Variants in FHOD3 observed in about 807,000 individuals in gnomAD.
FHOD3 encodes FH1/FH2 domain-containing protein 3.
A neutral mutation model predicts 173.0 loss-of-function variants in FHOD3; 90 were observed. That is an observed-to-expected ratio of 0.52 (90% CI 0.44 to 0.62). The LOEUF is 0.62. FHOD3 is among the 20% of genes least tolerant of loss of function. The pLI is 0.00. For synonymous variants in FHOD3, 828 were observed against 823.0 expected (o/e 1.01, Z -0.10); for missense variants, 1,945 against 2,034.7 (o/e 0.96, Z 0.85).
chr18:36,395,281 CACT>C (rs2048500344), intron 3 of FHOD3, among the ~76,000 whole-genome samples: 1 of 148,952 alleles, frequency 6.7e-6, no homozygotes, highest in Non-Finnish European at 1.5e-5. Flanking sequence ...CATGCCACTG[CACT>C]CCAGTCTGGG....
At chr18:36,651,988 C>T (rs190215736) in intron 11 of FHOD3, among the ~76,000 whole-genome samples, 2 of 152,282 alleles carry the variant, frequency 1.3e-5, no homozygotes, top group Non-Finnish European at 2.9e-5. Flanking sequence ...CAAAATTTGT[C>T]TTTTTTGTCC....
chr18:36,374,520 T>C (rs1288872822), intron 3 of FHOD3, among the ~76,000 whole-genome samples: 4 of 152,242 alleles, frequency 2.6e-5, no homozygotes, highest in Non-Finnish European at 4.4e-5. Context: ...TTCACTATTT[T>C]GGAAAAGACT....
chr18:36,412,807 T>C lies in FHOD3; in HGVS notation c.337+40063T>C, dbSNP rs535933911. Reference sequence around the variant, plus strand: ...AATTGTACAAAAAGCCGATATATAATGAAGAATGAATGATAACAAGAATTT... The same window carrying C: ...AATTGTACAAAAAGCCGATATATAACGAAGAATGAATGATAACAAGAATTT... On this transcript the variant is annotated intron_variant, in intron 3 of 28. Coordinates refer to ENST00000590592, the MANE Select transcript of FHOD3 (RefSeq NM_001281740.3). 1.4e-3 allele frequency among the ~76,000 whole-genome samples: 211 copies of C among 152,352 alleles called. 4 individuals are homozygous for C. The South Asian group carries it at 0.043, about 31-fold the overall frequency.
chr18:36,738,219 A>G lies in FHOD3; in HGVS notation c.3577-2437A>G, dbSNP rs573023486. 2.6e-5 allele frequency among the ~76,000 whole-genome samples: 4 copies of G among 152,338 alleles called. No individual in the cohort carries two copies. The East Asian group carries it at 7.7e-4, about 29-fold the overall frequency. On this transcript the variant is annotated intron_variant, in intron 20 of 28. Transcript: ENST00000590592. ...TTGCAGGGAATCTACTACAATTTATATATTCACTGCTCAAGAATATTTAGC... is the reference window on the plus strand; with the variant it reads ...TTGCAGGGAATCTACTACAATTTATGTATTCACTGCTCAAGAATATTTAGC...
intron 1 of FHOD3, among the ~76,000 whole-genome samples, chr18:36,341,116 A>G (rs1434558085): frequency 6.6e-6 from 1 of 152,230 alleles, no homozygotes; most frequent in Non-Finnish European, 1.5e-5. Flanking sequence ...TTATTTGGCC[A>G]AATTACAGTG....
chr18:36,541,452 G>A (rs1241485122), intron 5 of FHOD3, among the ~76,000 whole-genome samples: 1 of 151,962 alleles, frequency 6.6e-6, no homozygotes, highest in Non-Finnish European at 1.5e-5. Context: ...GCTTACTCAG[G>A]AGGCTGAGGC....
chr18:36,768,968 G>A (rs1367410418), intron 27 of FHOD3, among the ~76,000 whole-genome samples: 2 of 152,142 alleles, frequency 1.3e-5, no homozygotes, highest in Non-Finnish European at 2.9e-5. Context: ...CTGGGTTGGA[G>A]AGTTAAATAA....
intron 1 of FHOD3, among the ~76,000 whole-genome samples, chr18:36,322,964 G>GCCAACCCACCTGCCAA (rs2145001823): frequency 6.6e-6 from 1 of 152,330 alleles, no homozygotes; most frequent in East Asian, 1.9e-4. Context: ...CCTCATGGGT[G>GCCAACCCACCTGCCAA]CCCTTTTGGC....
At chr18:36,521,777 C>T (rs986781065) in intron 5 of FHOD3, among the ~76,000 whole-genome samples, 2 of 152,190 alleles carry the variant, frequency 1.3e-5, no homozygotes, top group African/African-American at 4.8e-5. Flanking sequence ...CTCCTCTCAT[C>T]CTCAGGGTGA....
chr18:36,369,284 G>C (rs2047046482), intron 2 of FHOD3, among the ~76,000 whole-genome samples: 1 of 152,156 alleles, frequency 6.6e-6, no homozygotes, highest in South Asian at 2.1e-4. Context: ...TTTAGAATCA[G>C]TGGTAGCAGG....
At chr18:36,602,912 G>C in intron 8 of FHOD3, 144 bp downstream of exon 8, 3 of 651,814 alleles carry the variant, frequency 4.6e-6, no homozygotes, top group Non-Finnish European at 8.2e-6. Flanking sequence ...CTCTGATGCA[G>C]CATGACTGTG....
At chr18:36,767,835 C>T (rs1340728815) in intron 27 of FHOD3, among the ~76,000 whole-genome samples, 1 of 151,934 alleles carries the variant, frequency 6.6e-6, no homozygotes, top group African/African-American at 2.4e-5. Context: ...CACACACACA[C>T]ATATATATGA....
chr18:36,652,327 C>G (rs965888287), intron 11 of FHOD3, among the ~76,000 whole-genome samples: 2 of 152,244 alleles, frequency 1.3e-5, no homozygotes, highest in Non-Finnish European at 2.9e-5. Flanking sequence ...TGAGAGCCAC[C>G]TCCTTGCCCT....
chr18:36,509,958 C>G (rs937051890), intron 4 of FHOD3, among the ~76,000 whole-genome samples: 7 of 152,204 alleles, frequency 4.6e-5, no homozygotes, highest in African/African-American at 1.7e-4. Flanking sequence ...AAACAGCACT[C>G]CACCACAGGG....
intron 2 of FHOD3, among the ~76,000 whole-genome samples, chr18:36,371,797 G>T (rs1316623780): frequency 6.6e-6 from 1 of 152,028 alleles, no homozygotes; most frequent in Admixed American, 6.5e-5. Flanking sequence ...TATACATTAA[G>T]CCCTGGTGGA....
chr18:36,376,590 G>A (rs2047449190), intron 3 of FHOD3, among the ~76,000 whole-genome samples: 1 of 152,182 alleles, frequency 6.6e-6, no homozygotes, highest in Admixed American at 6.5e-5. Context: ...GGGGGCTGAA[G>A]CAACTGATCT....
chr18:36,741,794 G>C (rs11660290), intron 21 of FHOD3, among the ~76,000 whole-genome samples: 2,288 of 151,544 alleles, frequency 0.015, 49 homozygotes, highest in African/African-American at 0.052. Context: ...AGCCAAGTGG[G>C]GAGGCTGTGT....
At chr18:36,730,846 T>C (rs766973295) in intron 20 of FHOD3, 42 bp downstream of exon 20, 36 of 1,588,334 alleles carry the variant, frequency 2.3e-5, no homozygotes, top group Non-Finnish European at 2.8e-5. Context: ...TTTTATCTTA[T>C]ACTGCATGTA....
intron 6 of FHOD3, among the ~76,000 whole-genome samples, chr18:36,577,102 A>T (rs867144469): frequency 1.2e-4 from 18 of 152,050 alleles, no homozygotes; most frequent in African/African-American, 4.3e-4. Context: ...CAAAAAAAAA[A>T]AAAAGTTATA....
Sources: gnomAD v4.1 joint callset for allele counts (sites outside exome capture counted in the v4.1 genomes callset) on GRCh38, gnomAD v4.1.1 for gene constraint, MANE v1.5 for transcripts, NCBI Gene and HGNC (gene_info 2026-07-23, HGNC 2026-07-21) for gene names.